SCAPER: variants seen among roughly 807,000 people sequenced by gnomAD.
SCAPER encodes the protein S phase cyclin A-associated protein in the endoplasmic reticulum.
A neutral mutation model predicts 182.2 loss-of-function variants in SCAPER; 98 were observed. The observed-to-expected ratio is 0.54, with a 90% CI of 0.46 to 0.64. The LOEUF is 0.64. SCAPER is among the 30% of genes least tolerant of loss of function. The pLI is 0.00. For missense variants in SCAPER, 1,432 were observed against 1,690.0 expected (o/e 0.85, Z 2.68); for synonymous variants, 605 against 564.6 (o/e 1.07, Z -1.01).
intron 6 of SCAPER, among the ~76,000 whole-genome samples, chr15:76,803,037 T>A (rs2065906653): frequency 6.6e-6 from 1 of 152,320 alleles, no homozygotes; most frequent in Non-Finnish European, 1.5e-5. Flanking sequence ...CCTTCCCACA[T>A]GGCAGCCAAA....
At chr15:76,890,556 T>A (rs2074107376) in intron 1 of SCAPER, among the ~76,000 whole-genome samples, 1 of 152,034 alleles carries the variant, frequency 6.6e-6, no homozygotes, top group Non-Finnish European at 1.5e-5. Context: ...ACAAATAAAT[T>A]AGAAAAACTA....
chr15:76,591,625 C>T (rs1048486617), intron 22 of SCAPER, among the ~76,000 whole-genome samples: 5 of 152,074 alleles, frequency 3.3e-5, no homozygotes, highest in African/African-American at 1.2e-4. Flanking sequence ...CCATGTCTGG[C>T]TACTTTTTGC....
intron 7 of SCAPER, among the ~76,000 whole-genome samples, chr15:76,799,518 T>TC (rs2065598396): frequency 6.6e-6 from 1 of 151,988 alleles, no homozygotes; most frequent in East Asian, 1.9e-4. Flanking sequence ...CCACCTCGGC[T>TC]CCCCAAAGTG....
chr15:76,649,197 G>C (rs1286802825), intron 21 of SCAPER, among the ~76,000 whole-genome samples: 2 of 152,044 alleles, frequency 1.3e-5, no homozygotes, highest in Non-Finnish European at 2.9e-5. Flanking sequence ...TAGTTTTCTT[G>C]GCATGAGGCA....
intron 1 of SCAPER, among the ~76,000 whole-genome samples, chr15:76,901,818 C>G (rs536982222): frequency 3.9e-5 from 6 of 152,066 alleles, no homozygotes; most frequent in Non-Finnish European, 8.8e-5. Context: ...CTCCCGGATT[C>G]AAGCGATTCT....
At chr15:76,583,088 C>T (rs776114053) in intron 22 of SCAPER, among the ~76,000 whole-genome samples, 8 of 152,098 alleles carry the variant, frequency 5.3e-5, no homozygotes, top group Non-Finnish European at 1.0e-4. Context: ...TGCAGTGACT[C>T]ATAACTGTAA....
intron 3 of SCAPER, among the ~76,000 whole-genome samples, chr15:76,858,369 T>C (rs2071581933): frequency 6.6e-6 from 1 of 152,242 alleles, no homozygotes; most frequent in Admixed American, 6.5e-5. Context: ...CAGTTCTTTA[T>C]ATTTTTTCAC....
In SCAPER at chr15:76,601,797, C is replaced by T. The variant is rs1486459655; in HGVS notation, c.2711+19967G>A. Among the ~76,000 whole-genome samples, 3 of 120,852 alleles carry T rather than the reference C, an allele frequency of 2.5e-5. 1 individual carries two copies. The highest frequency in any genetic ancestry group is 7.6e-5 in the African/African-American group (3 of 39,626). 79.3% of individuals were successfully genotyped at this position (120,852 alleles called of 152,430 possible). A position where few individuals can be genotyped will look rare whatever the true frequency, so the allele number is the denominator to read the frequency against. Reference sequence around the variant, plus strand: ...AATAACAAAATATTCCTCATTTTTCCTTCCTATCCCTTCTATCACTGCTGT... The same window carrying T: ...AATAACAAAATATTCCTCATTTTTCTTTCCTATCCCTTCTATCACTGCTGT... On this transcript the variant is annotated intron_variant, in intron 22 of 31. Coordinates refer to ENST00000563290, the MANE Select transcript of SCAPER (RefSeq NM_020843.4).
At chr15:76,758,080 T>C (rs931960018) in intron 14 of SCAPER, among the ~76,000 whole-genome samples, 2 of 152,206 alleles carry the variant, frequency 1.3e-5, no homozygotes, top group Admixed American at 6.5e-5. Context: ...ATTTGCTCTA[T>C]AGGTTTTTAA....
chr15:76,380,212 A>T (rs1482235600), intron 28 of SCAPER: 1 of 152,102 alleles, frequency 6.6e-6, no homozygotes, highest in African/African-American at 2.4e-5. Flanking sequence ...AACTACTGAC[A>T]TTTTTTGGAG....
intron 20 of SCAPER, among the ~76,000 whole-genome samples, chr15:76,675,371 T>A (rs1324573717): frequency 6.6e-6 from 1 of 152,198 alleles, no homozygotes; most frequent in African/African-American, 2.4e-5. Flanking sequence ...AAGTTTGAAA[T>A]CTGTTATAAG....
At chr15:76,800,220 TTAG>T in intron 7 of SCAPER, 25 bp downstream of exon 7, 2 of 1,181,862 alleles carry the variant, frequency 1.7e-6, no homozygotes, top group Non-Finnish European at 2.5e-6. Flanking sequence ...AATGCAAGTC[TTAG>T]TAGTTTTTTC....
chr15:76,768,825 CAAA>C (rs60357495), intron 10 of SCAPER, among the ~76,000 whole-genome samples: 13 of 144,942 alleles, frequency 9.0e-5, no homozygotes, highest in South Asian at 2.2e-4. Flanking sequence ...GGTATTTTCT[CAAA>C]AAAAAAAAAA....
At chr15:76,495,704 G>A (rs995103120) in intron 24 of SCAPER, among the ~76,000 whole-genome samples, 1 of 151,696 alleles carries the variant, frequency 6.6e-6, no homozygotes, top group Non-Finnish European at 1.5e-5. Context: ...ATACTTCTTG[G>A]TTTTCCAGAG....
At chr15:76,385,789 G>A (rs1340241856) in intron 27 of SCAPER, among the ~76,000 whole-genome samples, 2 of 152,186 alleles carry the variant, frequency 1.3e-5, no homozygotes, top group African/African-American at 4.8e-5. Flanking sequence ...CCTGTGATGT[G>A]CAAGGTTAAG....
At chr15:76,839,905 A>T (rs2069298935) in intron 5 of SCAPER, among the ~76,000 whole-genome samples, 1 of 152,206 alleles carries the variant, frequency 6.6e-6, no homozygotes, top group South Asian at 2.1e-4. Flanking sequence ...TTTTAAGTAA[A>T]TTTGATTTCA....
chr15:76,425,786 G>A (rs1456659340), intron 26 of SCAPER, among the ~76,000 whole-genome samples: 1 of 152,144 alleles, frequency 6.6e-6, no homozygotes, highest in Non-Finnish European at 1.5e-5. Flanking sequence ...ACGTACAGAT[G>A]GGGTTTTGGT....
rs548275543 is a variant in SCAPER, at chr15:76,381,446, T to C, written c.3637A>G (p.Ile1213Val). Reference protein sequence around the residue: ...SPKENYTQNTIQVAIQSLRFF... With the variant: ...SPKENYTQNTVQVAIQSLRFF... ...CGTAAACTCTGAATGGCCACTTGGATGGTATTTTGAGTGTAATTCTCCTTG... is the reference window on the plus strand; with the variant it reads ...CGTAAACTCTGAATGGCCACTTGGACGGTATTTTGAGTGTAATTCTCCTTG... The change falls in exon 28 of 32, where the codon ATC becomes GTC. Residue 1213 changes from isoleucine to valine, a missense_variant. Transcript: ENST00000563290. 4.3e-6 allele frequency: 7 copies of C among 1,613,804 alleles called. No homozygotes were observed. In the East Asian group the frequency reaches 1.3e-4, roughly 31 times the overall value.
In SCAPER at chr15:76,464,353, G is replaced by T. The variant is rs551993366; in HGVS notation, c.3078+6859C>A. On this transcript the variant is annotated intron_variant, in intron 25 of 31. Transcript: ENST00000563290. ...TGACAGAATTCCCTTCTTTTTTAAGGTTGATTAATATTCCATTGTTTGTAC... is the reference window on the plus strand; with the variant it reads ...TGACAGAATTCCCTTCTTTTTTAAGTTTGATTAATATTCCATTGTTTGTAC... Among the ~76,000 whole-genome samples the T allele has an allele frequency of 2.0e-5, 3 of 151,932 alleles. No homozygotes were observed. In the South Asian group the frequency reaches 6.2e-4, roughly 32 times the overall value.
Sources: allele counts gnomAD v4.1 joint callset (sites outside exome capture counted in the v4.1 genomes callset), GRCh38; gene constraint gnomAD v4.1.1; transcripts MANE v1.5; gene names NCBI Gene and HGNC (gene_info 2026-07-23, HGNC 2026-07-21).